Variants in FGF2 observed in about 807,000 individuals in gnomAD.
FGF2 encodes the protein basic fibroblast growth factor bFGF.
FGF2 carries 13 observed loss-of-function variants against 15.9 expected under a neutral mutation model. The observed-to-expected ratio is 0.82, with a 90% CI of 0.53 to 1.30. The LOEUF (loss-of-function observed/expected upper bound fraction) is 1.30. Among genes scored for constraint, FGF2 ranks in the 50% most tolerant of loss-of-function variants. FGF2 has a pLI of 0.00. For synonymous variants in FGF2, 90 were observed against 78.4 expected, an observed-to-expected ratio of 1.15 and a Z score of -0.78; for missense variants, 163 against 196.9, an observed-to-expected ratio of 0.83 and a Z score of 1.03.
rs1410143246 is a variant in FGF2 at position 122,896,865 on chromosome 4, C to A, written c.*4469C>A. On this transcript the variant is annotated 3_prime_UTR_variant, in exon 3 of 3. Transcript: ENST00000644866. ...GGGACATGCATATTAAGGAAAAGGT[C>A]ATGGAGAAATAATATTGGTATCAAA... 6.6e-6 allele frequency: 1 copy of A among 152,082 alleles called. No homozygotes were observed. The highest frequency in any genetic ancestry group is 1.9e-4 in the East Asian group (1 of 5,196). 9.4% of individuals were successfully genotyped at this position (152,082 alleles called of 1,614,324 possible). A position where few individuals can be genotyped will look rare whatever the true frequency, so the allele number is the denominator to read the frequency against.
Position 122,827,157 on chromosome 4 carries a change from C to T in FGF2, c.-18C>T, listed in dbSNP as rs746202230. The T allele has an allele frequency of 1.7e-5, 24 of 1,428,950 alleles. No individual in the cohort carries two copies. The highest frequency in any genetic ancestry group is 1.3e-4 in the South Asian group (9 of 69,110). 88.5% of individuals were successfully genotyped at this position (1,428,950 alleles called of 1,614,324 possible). On this transcript the variant is annotated 5_prime_UTR_variant, in exon 1 of 3. Coordinates refer to ENST00000644866, the MANE Select transcript of FGF2 (RefSeq NM_001361665.2). This position sits in a 1 kb window ranked among gnomAD's most constrained non-coding sequence, Gnocchi z 4.2. ...GGCTCCAGCGGCTCGGGGATCCCGG[C>T]CGGGCCCCGCAGGGACCATGGCAGC...
intron 1 of FGF2, among the ~76,000 whole-genome samples, chr4:122,837,083 C>T (rs1250323374): frequency 6.6e-6 from 1 of 152,052 alleles, no homozygotes; most frequent in Non-Finnish European, 1.5e-5. Flanking sequence ...CTGTCTGGTA[C>T]CATTGTTAAT....
At chr4:122,871,165 T>G (rs1726722712) in intron 1 of FGF2, among the ~76,000 whole-genome samples, 1 of 151,344 alleles carries the variant, frequency 6.6e-6, no homozygotes, top group African/African-American at 2.4e-5. Context: ...AGTTCTAATT[T>G]GATTGCACTG....
chr4:122,855,487 C>G (rs941782112), intron 1 of FGF2, among the ~76,000 whole-genome samples: 4 of 152,170 alleles, frequency 2.6e-5, no homozygotes, highest in African/African-American at 9.7e-5. Context: ...ATTGCCAACC[C>G]TGACTGAAGG....
At chr4:122,888,590 A>C (rs1288690128) in intron 2 of FGF2, 2 of 152,092 alleles carry the variant, frequency 1.3e-5, no homozygotes, top group Non-Finnish European at 2.9e-5. Flanking sequence ...CTACCCCTCA[A>C]ATACTCTGGA....
chr4:122,872,862 G>C (rs1726768501), intron 1 of FGF2, among the ~76,000 whole-genome samples: 1 of 152,160 alleles, frequency 6.6e-6, no homozygotes, highest in Non-Finnish European at 1.5e-5. Context: ...CCTTACCGGA[G>C]CTCCTGAAAG....
At chr4:122,882,329 T>G (rs1208858232) in intron 2 of FGF2, 1 of 152,228 alleles carries the variant, frequency 6.6e-6, no homozygotes, top group Non-Finnish European at 1.5e-5. Context: ...TATCTTCAAG[T>G]GTATCTCTGA....
chr4:122,846,169 A>G (rs1236409623), intron 1 of FGF2, among the ~76,000 whole-genome samples: 1 of 152,198 alleles, frequency 6.6e-6, no homozygotes, highest in African/African-American at 2.4e-5. Context: ...ACGTTTATTA[A>G]GTTTGCTGTC....
chr4:122,867,023 A>G (rs969512686), intron 1 of FGF2, among the ~76,000 whole-genome samples: 1 of 152,260 alleles, frequency 6.6e-6, no homozygotes, highest in Non-Finnish European at 1.5e-5. Flanking sequence ...GATACATGCT[A>G]CAACATGCAT....
intron 1 of FGF2, among the ~76,000 whole-genome samples, chr4:122,864,715 C>T (rs1271757536): frequency 6.6e-6 from 1 of 151,942 alleles, no homozygotes; most frequent in African/African-American, 2.4e-5. Flanking sequence ...TTCTAGATTG[C>T]TTTAAAGTTT....
At chr4:122,838,060 A>C (rs1725901397) in intron 1 of FGF2, among the ~76,000 whole-genome samples, 1 of 152,180 alleles carries the variant, frequency 6.6e-6, no homozygotes, top group Non-Finnish European at 1.5e-5. Context: ...TAACTGTTTT[A>C]ATTGAGTGTA....
intron 1 of FGF2, among the ~76,000 whole-genome samples, chr4:122,840,983 G>A (rs1252330784): frequency 2.0e-5 from 3 of 152,122 alleles, no homozygotes; most frequent in African/African-American, 4.8e-5. Context: ...ACTCCAAGAG[G>A]TTTGAGAATA....
chr4:122,897,675 T>C lies in FGF2; in HGVS notation c.*5279T>C, dbSNP rs1299335139. Reference sequence around the variant, plus strand: ...CCTCCTGGAAACTTCCACATATTTTTCAACTGCAGTATAAAGTCAGAAAAT... The same window carrying C: ...CCTCCTGGAAACTTCCACATATTTTCCAACTGCAGTATAAAGTCAGAAAAT... On this transcript the variant is annotated 3_prime_UTR_variant, in exon 3 of 3. Coordinates refer to ENST00000644866, the MANE Select transcript of FGF2 (RefSeq NM_001361665.2). The C allele has an allele frequency of 6.2e-7, 1 of 1,600,976 alleles. No homozygotes were observed. Among genetic ancestry groups the C allele is most frequent in the Non-Finnish European group, 8.6e-7 (1 of 1,168,064 alleles).
chr4:122,866,332 C>A (rs1419350718), intron 1 of FGF2, among the ~76,000 whole-genome samples: 2 of 150,078 alleles, frequency 1.3e-5, no homozygotes, highest in Non-Finnish European at 3.0e-5. Flanking sequence ...TGCGCCACTG[C>A]ACTCCCGCCT....
intron 1 of FGF2, among the ~76,000 whole-genome samples, chr4:122,855,824 A>G (rs1726326673): frequency 6.6e-6 from 1 of 152,250 alleles, no homozygotes; most frequent in Non-Finnish European, 1.5e-5. Context: ...TATCTGAGGA[A>G]CAATTTTTGT....
chr4:122,892,575 T>G lies in FGF2; in HGVS notation c.*179T>G. 6.9e-7 allele frequency: 1 copy of G among 1,448,070 alleles called. No individual in the cohort carries two copies. Among genetic ancestry groups the G allele is most frequent in the South Asian group, 1.5e-5 (1 of 66,072 alleles). The allele number at this position is 1,448,070 out of a possible 1,614,324, so 89.7% of individuals were successfully genotyped here. On this transcript the variant is annotated 3_prime_UTR_variant, in exon 3 of 3. Transcript: ENST00000644866. ...CCCAGTAAAGAAAAATAACAAAAGT[T>G]GTAAAATGTATATTCTCCCTTTTAT...
At chr4:122,850,186 T>C (rs1726198829) in intron 1 of FGF2, among the ~76,000 whole-genome samples, 1 of 151,040 alleles carries the variant, frequency 6.6e-6, no homozygotes, top group Admixed American at 6.6e-5. Flanking sequence ...TGCTTGAACC[T>C]GGGAGGCGGA....
chr4:122,826,738 C>A, upstream of FGF2: 1 of 1,261,826 alleles, frequency 7.9e-7, no homozygotes, highest in Middle Eastern at 3.0e-4. Flanking sequence ...GAGTAGGGGG[C>A]GGCGCGCAGG....
intron 1 of FGF2, among the ~76,000 whole-genome samples, chr4:122,842,363 C>T (rs1396728659): frequency 1.3e-5 from 2 of 152,170 alleles, no homozygotes; most frequent in African/African-American, 2.4e-5. Flanking sequence ...GTCAGATTCT[C>T]AAAAGGTTAT....
Sources: allele counts gnomAD v4.1 joint callset (sites outside exome capture counted in the v4.1 genomes callset), GRCh38; gene constraint gnomAD v4.1.1; non-coding constraint Gnocchi (gnomAD v3.1); transcripts MANE v1.5; gene names NCBI Gene and HGNC (gene_info 2026-07-23, HGNC 2026-07-21).